CSMD1: variants seen among roughly 807,000 people sequenced by gnomAD.
CSMD1 encodes CUB and sushi domain-containing protein 1.
In CSMD1, 213 loss-of-function variants were observed where a neutral mutation model predicts 417.5. That is an observed-to-expected ratio of 0.51 (90% CI 0.46 to 0.57). The LOEUF (loss-of-function observed/expected upper bound fraction) is 0.57. Ranked by LOEUF, CSMD1 falls within the 20% of genes least tolerant of loss-of-function variation. The probability of loss-of-function intolerance (pLI) is 0.00; values close to 1 mark genes in which losing one functional copy is unlikely to be tolerated. For synonymous variants in CSMD1, 2,862 were observed against 1,736.8 expected (o/e 1.65, Z -16.11); for missense variants, 6,923 against 4,529.7 (o/e 1.53, Z -15.17).
chr8:4,670,656 A>G (rs1482047850), intron 1 of CSMD1, among the ~76,000 whole-genome samples: 1 of 152,208 alleles, frequency 6.6e-6, no homozygotes, highest in Non-Finnish European at 1.5e-5. Context: ...TATAATATAA[A>G]ATGTTCATCC....
rs144986948 is a variant in CSMD1, at chr8:4,893,652, G to T, written c.85+100680C>A. Among the ~76,000 whole-genome samples, 32 of 152,118 alleles carry T rather than the reference G, an allele frequency of 2.1e-4. 1 individual carries two copies. The highest frequency in any genetic ancestry group is 7.2e-4 in the African/African-American group (30 of 41,456). On this transcript the variant is annotated intron_variant, in intron 1 of 69. Coordinates refer to ENST00000635120, the MANE Select transcript of CSMD1 (RefSeq NM_033225.6). ...TTGCCAATACATTTTATGAGAAGCC[G>T]AACTTCTTTTTCCTAACTGGTTCAA...
At chr8:3,861,848 A>T (rs1316832810) in intron 5 of CSMD1, among the ~76,000 whole-genome samples, 1 of 152,168 alleles carries the variant, frequency 6.6e-6, no homozygotes, top group African/African-American at 2.4e-5. Context: ...ACTGGCTTTT[A>T]AATGTCTAAT....
chr8:3,384,339 A>C (rs1810834114), intron 18 of CSMD1, among the ~76,000 whole-genome samples: 1 of 152,118 alleles, frequency 6.6e-6, no homozygotes, highest in African/African-American at 2.4e-5. Flanking sequence ...CAGGCATCCA[A>C]TTTGAGCAAC....
At chr8:3,841,929 G>A (rs1350480945) in intron 5 of CSMD1, among the ~76,000 whole-genome samples, 1 of 152,056 alleles carries the variant, frequency 6.6e-6, no homozygotes, top group Non-Finnish European at 1.5e-5. Flanking sequence ...TCCCCTAGCT[G>A]ATCCTCCAAA....
intron 3 of CSMD1, among the ~76,000 whole-genome samples, chr8:4,150,844 A>G (rs1190226952): frequency 1.3e-5 from 2 of 151,322 alleles, no homozygotes; most frequent in African/African-American, 2.4e-5. Flanking sequence ...AATAACCTTA[A>G]CAATATGGAT....
chr8:3,784,575 A>G (rs778123525), intron 5 of CSMD1, among the ~76,000 whole-genome samples: 2 of 152,226 alleles, frequency 1.3e-5, no homozygotes, highest in Non-Finnish European at 2.9e-5. Context: ...TTAAATTTCT[A>G]ATTTATTAAG....
chr8:4,989,732 G>C (rs998766319), intron 1 of CSMD1, among the ~76,000 whole-genome samples: 1 of 152,188 alleles, frequency 6.6e-6, no homozygotes, highest in Non-Finnish European at 1.5e-5. Flanking sequence ...CAGCGCAATA[G>C]AGAGTATTTA....
intron 2 of CSMD1, among the ~76,000 whole-genome samples, chr8:4,444,586 G>T (rs1188027905): frequency 6.6e-6 from 1 of 152,062 alleles, no homozygotes; most frequent in African/African-American, 2.4e-5. Context: ...TCCAGAACAT[G>T]AAATGCTGAG....
intron 2 of CSMD1, among the ~76,000 whole-genome samples, chr8:4,550,588 A>G (rs1253258405): frequency 1.3e-5 from 2 of 152,204 alleles, no homozygotes; most frequent in Non-Finnish European, 2.9e-5. Flanking sequence ...CAGAAAACAC[A>G]AAAGCAGGTG....
intron 2 of CSMD1, among the ~76,000 whole-genome samples, chr8:4,429,222 C>G (rs1181561749): frequency 6.6e-6 from 1 of 151,726 alleles, no homozygotes. Context: ...ACACGAATAT[C>G]TGGTTATGTT....
At chr8:4,104,120 A>G (rs1801443483) in intron 3 of CSMD1, among the ~76,000 whole-genome samples, 1 of 152,248 alleles carries the variant, frequency 6.6e-6, no homozygotes, top group East Asian at 1.9e-4. Flanking sequence ...CCACAGAAGC[A>G]GAGTGTTGAT....
intron 3 of CSMD1, among the ~76,000 whole-genome samples, chr8:4,374,397 A>G (rs1395929410): frequency 6.6e-6 from 1 of 152,228 alleles, no homozygotes; most frequent in Non-Finnish European, 1.5e-5. Flanking sequence ...AAAGAAAGTC[A>G]TAGGGGCTGA....
chr8:4,888,979 AT>A (rs1345802214), intron 1 of CSMD1, among the ~76,000 whole-genome samples: 1 of 152,142 alleles, frequency 6.6e-6, no homozygotes. Context: ...ATTTCCAAGC[AT>A]CAAAGAAATG....
At chr8:4,043,549 A>C (rs941562035) in intron 3 of CSMD1, among the ~76,000 whole-genome samples, 1 of 152,224 alleles carries the variant, frequency 6.6e-6, no homozygotes. Flanking sequence ...AAAGACAAAT[A>C]GCTTTATGTG....
intron 1 of CSMD1, among the ~76,000 whole-genome samples, chr8:4,773,500 C>G (rs574038962): frequency 6.6e-6 from 1 of 152,250 alleles, no homozygotes; most frequent in East Asian, 1.9e-4. Flanking sequence ...AAAGAATACT[C>G]TCAGATTGCT....
At position 3,795,358 on chromosome 8, in the gene CSMD1, A is replaced by G. The variant is rs1391892767; in HGVS notation, c.819-41316T>C. Among the ~76,000 whole-genome samples, 2 of 47,940 alleles carry G rather than the reference A, an allele frequency of 4.2e-5. 1 individual carries two copies. The highest frequency in any genetic ancestry group is 1.5e-4 in the African/African-American group (2 of 13,658). The allele number at this position is 47,940 out of a possible 152,430, so 31.5% of individuals were successfully genotyped here. ...ATCATGTAGATATAGATATATATCT[A>G]TCATGTATATAGATATATATCATGT... On this transcript the variant is annotated intron_variant, in intron 5 of 69. Transcript: ENST00000635120.
chr8:4,915,827 C>G (rs941761178), intron 1 of CSMD1, among the ~76,000 whole-genome samples: 1 of 152,214 alleles, frequency 6.6e-6, no homozygotes, highest in Non-Finnish European at 1.5e-5. Context: ...ACACGGAGAC[C>G]CATCTGTCAC....
chr8:4,907,516 G>GA (rs1554516908), intron 1 of CSMD1, among the ~76,000 whole-genome samples: 48,245 of 133,780 alleles, frequency 0.36, 9,527 homozygotes, highest in Non-Finnish European at 0.49. Flanking sequence ...GAATTAAATG[G>GA]AAAAAAAATT....
chr8:4,247,503 G>A (rs747892240), intron 3 of CSMD1, among the ~76,000 whole-genome samples: 2 of 151,924 alleles, frequency 1.3e-5, no homozygotes, highest in Non-Finnish European at 2.9e-5. Context: ...GTTTTCTTTC[G>A]GTGTAGAAAT....
Sources: allele counts gnomAD v4.1 joint callset (sites outside exome capture counted in the v4.1 genomes callset), GRCh38; gene constraint gnomAD v4.1.1; transcripts MANE v1.5; gene names NCBI Gene and HGNC (gene_info 2026-07-23, HGNC 2026-07-21).